The following SLC17A8 variants were observed in gnomAD, a reference collection of about 807,000 sequenced individuals.
The protein encoded by SLC17A8 is vesicular glutamate transporter 3.
In SLC17A8, 31 loss-of-function variants were observed where a neutral mutation model predicts 58.0. The ratio of observed to expected loss-of-function variants is 0.53; its 90% CI spans 0.40 to 0.72. SLC17A8 has a LOEUF of 0.72. SLC17A8 is among the 30% of genes least tolerant of loss of function. SLC17A8 has a pLI of 0.00. For synonymous variants in SLC17A8, 228 were observed against 249.0 expected (o/e 0.92, Z 0.79); for missense variants, 655 against 727.8 (o/e 0.90, Z 1.15).
intron 1 of SLC17A8, among the ~76,000 whole-genome samples, chr12:100,378,054 T>C (rs1280465603): frequency 6.6e-6 from 1 of 152,154 alleles, no homozygotes; most frequent in East Asian, 1.9e-4. Flanking sequence ...AGTCTAGTTA[T>C]AAAGATTGGG....
chr12:100,372,179 CAG>C (rs1312005626), intron 1 of SLC17A8, among the ~76,000 whole-genome samples: 2 of 152,084 alleles, frequency 1.3e-5, no homozygotes, highest in East Asian at 3.9e-4. Flanking sequence ...GCTTAACAAA[CAG>C]AAATTTATTT....
intron 10 of SLC17A8, among the ~76,000 whole-genome samples, chr12:100,415,895 A>G (rs1238036903): frequency 6.6e-6 from 1 of 152,198 alleles, no homozygotes; most frequent in Non-Finnish European, 1.5e-5. Context: ...CAGCAATGAC[A>G]CTGTGGGAGG....
At chr12:100,378,287 A>G (rs1400769294) in intron 1 of SLC17A8, among the ~76,000 whole-genome samples, 2 of 152,218 alleles carry the variant, frequency 1.3e-5, no homozygotes, top group African/African-American at 4.8e-5. Context: ...AAAGTGGTCA[A>G]TTGTATCAAA....
chr12:100,384,406 C>T (rs1952658644), intron 2 of SLC17A8, among the ~76,000 whole-genome samples: 1 of 152,102 alleles, frequency 6.6e-6, no homozygotes, highest in Admixed American at 6.6e-5. Flanking sequence ...TCTAGACTAG[C>T]CTGGCCAACA....
rs372806431 is a variant in SLC17A8, at chr12:100,394,509, C to T, written c.588+1026C>T. On this transcript the variant is annotated intron_variant, in intron 4 of 11. Coordinates refer to ENST00000323346, the MANE Select transcript of SLC17A8 (RefSeq NM_139319.3). ...ATCTGCCTCCCAGGTTCAAGCGATT[C>T]TCCTGCCTCAGCCTCCTGAGTAGCT... Among the ~76,000 whole-genome samples, 7 of 146,974 alleles carry T rather than the reference C, an allele frequency of 4.8e-5. No individual in the cohort carries two copies. The East Asian group carries it at 1.4e-3, about 30-fold the overall frequency.
rs59620980 is a variant in SLC17A8 at position 100,381,129 on chromosome 12, CCATCTCAG to C, written c.354+209_354+216del. 0.68 allele frequency among the ~76,000 whole-genome samples: 101,107 copies of C among 149,762 alleles called. 36,455 individuals carry two copies. Among genetic ancestry groups the C allele is most frequent in the East Asian group, 0.99 (4,976 of 5,010 alleles). On this transcript the variant is annotated intron_variant, in intron 2 of 11. Coordinates refer to ENST00000323346, the MANE Select transcript of SLC17A8 (RefSeq NM_139319.3). ...CAGCATCTCAGATAAGTAGCTCCTCCCATCTCAGCATCTCAGCATCTCAGCATCTCAGC... is the reference window on the plus strand; with the variant it reads ...CAGCATCTCAGATAAGTAGCTCCTCCCATCTCAGCATCTCAGCATCTCAGC...
intron 1 of SLC17A8, among the ~76,000 whole-genome samples, chr12:100,372,478 G>T (rs944047146): frequency 6.6e-6 from 1 of 152,076 alleles, no homozygotes; most frequent in Non-Finnish European, 1.5e-5. Context: ...CTCCCAAGTA[G>T]CTGGGACCAC....
At chr12:100,395,412 G>A (rs1310938896) in intron 4 of SLC17A8, among the ~76,000 whole-genome samples, 2 of 149,822 alleles carry the variant, frequency 1.3e-5, no homozygotes, top group Non-Finnish European at 2.9e-5. Flanking sequence ...TGCAACCTCT[G>A]CCTCCCAGGT....
intron 1 of SLC17A8, among the ~76,000 whole-genome samples, chr12:100,365,705 C>T (rs138740803): frequency 2.6e-5 from 4 of 152,170 alleles, no homozygotes; most frequent in African/African-American, 9.7e-5. Context: ...ACTTCGCCCA[C>T]GTGATGGACC....
chr12:100,416,474 T>A (rs574720951), intron 10 of SLC17A8, among the ~76,000 whole-genome samples: 2 of 152,208 alleles, frequency 1.3e-5, no homozygotes, highest in African/African-American at 4.8e-5. Flanking sequence ...TGAAGGGAAG[T>A]AGGAAAGACA....
intron 9 of SLC17A8, among the ~76,000 whole-genome samples, chr12:100,406,806 G>A (rs1481795566): frequency 6.6e-6 from 1 of 152,204 alleles, no homozygotes; most frequent in Non-Finnish European, 1.5e-5. Flanking sequence ...AAAGTGCTGG[G>A]ATTACAGGCA....
At chr12:100,377,590 T>A (rs1382391820) in intron 1 of SLC17A8, among the ~76,000 whole-genome samples, 1,734 of 131,002 alleles carry the variant, frequency 0.013, 26 homozygotes, top group African/African-American at 0.046. Flanking sequence ...TATATATTTT[T>A]TTTTTTTTTT....
At chr12:100,371,943 TTTTGAGA>T (rs1351988052) in intron 1 of SLC17A8, among the ~76,000 whole-genome samples, 1 of 152,208 alleles carries the variant, frequency 6.6e-6, no homozygotes, top group Non-Finnish European at 1.5e-5. Context: ...GTCAAGACTA[TTTTGAGA>T]ATTAAGGGAG....
chr12:100,376,161 C>A (rs1407613201), intron 1 of SLC17A8, among the ~76,000 whole-genome samples: 3 of 152,142 alleles, frequency 2.0e-5, no homozygotes, highest in Non-Finnish European at 4.4e-5. Flanking sequence ...CCTGCTGAAA[C>A]CTGGATCTCA....
chr12:100,398,928 T>C (rs951398558), intron 5 of SLC17A8, among the ~76,000 whole-genome samples: 35 of 152,272 alleles, frequency 2.3e-4, no homozygotes, highest in African/African-American at 7.7e-4. Flanking sequence ...ACGTAAGATG[T>C]GACTTGCTCT....
chr12:100,384,998 G>A (rs1952662994), intron 2 of SLC17A8, among the ~76,000 whole-genome samples: 2 of 152,090 alleles, frequency 1.3e-5, no homozygotes, highest in South Asian at 4.2e-4. Flanking sequence ...TGTCTTGCTA[G>A]GAAGCTGATT....
rs181664396 is a variant in SLC17A8 at position 100,369,037 on chromosome 12, C to T, written c.101+11545C>T. Among the ~76,000 whole-genome samples, 338 of 152,258 alleles carry T rather than the reference C, an allele frequency of 2.2e-3. 4 individuals are homozygous for T. The highest frequency in any genetic ancestry group is 7.8e-3 in the African/African-American group (323 of 41,564). ...CCTGTAATCCCAGCACTTTGGGAGG[C>T]CAAGGCAGGGAGAGGATCACCTGAG... On this transcript the variant is annotated intron_variant, in intron 1 of 11. Transcript: ENST00000323346.
intron 1 of SLC17A8, among the ~76,000 whole-genome samples, chr12:100,362,182 T>C (rs1345239306): frequency 6.6e-6 from 1 of 151,888 alleles, no homozygotes; most frequent in Non-Finnish European, 1.5e-5. Flanking sequence ...TGGAGGCCAC[T>C]GAGCAGTGGG....
chr12:100,390,190 C>T (rs1329089139), intron 2 of SLC17A8, among the ~76,000 whole-genome samples: 1 of 151,898 alleles, frequency 6.6e-6, no homozygotes, highest in Admixed American at 6.6e-5. Flanking sequence ...GTCTTGAGCT[C>T]CTGGCCTCAA....
Sources: allele counts gnomAD v4.1 joint callset (sites outside exome capture counted in the v4.1 genomes callset), GRCh38; gene constraint gnomAD v4.1.1; transcripts MANE v1.5; gene names NCBI Gene and HGNC (gene_info 2026-07-23, HGNC 2026-07-21).